The following RALGAPA1 variants were observed in gnomAD, a reference collection of about 807,000 sequenced individuals.
The protein encoded by RALGAPA1 is Ral GTPase activating protein catalytic subunit alpha 1.
A neutral mutation model predicts 269.6 loss-of-function variants in RALGAPA1; 52 were observed. The observed-to-expected ratio is 0.19, with a 90% confidence interval of 0.15 to 0.24. RALGAPA1 has a LOEUF of 0.24. Ranked by LOEUF, RALGAPA1 falls within the 10% of genes least tolerant of loss-of-function variation. RALGAPA1 has a pLI of 1.00. For synonymous variants in RALGAPA1, 817 were observed against 1,008.3 expected (o/e 0.81, Z 3.60); for missense variants, 1,917 against 3,013.9 (o/e 0.64, Z 8.52).
chr14:35,617,639 G>C, intron 35 of RALGAPA1, among the ~76,000 whole-genome samples: 1 of 42,236 alleles, frequency 2.4e-5, no homozygotes, highest in South Asian at 1.6e-3. Context: ...GTGTGGGGTG[G>C]GGGGGGGGGG....
At chr14:35,549,384 T>C (rs943096786) in intron 39 of RALGAPA1, 150 bp from the exon 40 acceptor site, 12 of 759,340 alleles carry the variant, frequency 1.6e-5, no homozygotes, top group Admixed American at 3.5e-5. Context: ...ACAGTATGGC[T>C]TTTTAAAGTG....
chr14:35,609,815 T>C (rs1177586984), intron 35 of RALGAPA1, among the ~76,000 whole-genome samples: 1 of 149,574 alleles, frequency 6.7e-6, no homozygotes, highest in Non-Finnish European at 1.5e-5. Flanking sequence ...CCAGGGCCCC[T>C]ACTTGGGGAG....
intron 4 of RALGAPA1, among the ~76,000 whole-genome samples, chr14:35,762,987 GGCCCGAAATT>G (rs1316014745): frequency 1.3e-5 from 2 of 151,632 alleles, no homozygotes; most frequent in Non-Finnish European, 2.9e-5. Flanking sequence ...ACAAAACCTA[GGCCCGAAATT>G]GCATTTAACA....
At chr14:35,563,434 G>C (rs374930113) in intron 39 of RALGAPA1, among the ~76,000 whole-genome samples, 2 of 152,084 alleles carry the variant, frequency 1.3e-5, no homozygotes, top group South Asian at 2.1e-4. Flanking sequence ...TGCCCTGGGC[G>C]TCAGTGTGGT....
At chr14:35,795,816 A>C (rs1479979349) in intron 1 of RALGAPA1, among the ~76,000 whole-genome samples, 1 of 69,842 alleles carries the variant, frequency 1.4e-5, no homozygotes, top group African/African-American at 1.8e-4. Flanking sequence ...TTCTCTACCA[A>C]AAAAAAAAAA....
At chr14:35,761,139 T>C (rs1267469263) in intron 5 of RALGAPA1, 133 bp from the exon 6 acceptor site, 1 of 581,494 alleles carries the variant, frequency 1.7e-6, no homozygotes, top group East Asian at 2.9e-5. Flanking sequence ...GAAGGGGAAG[T>C]TGAGGAGAAG....
chr14:35,655,893 C>T lies in RALGAPA1; in HGVS notation c.5410G>A (p.Gly1804Ser), dbSNP rs985825011. The T allele has an allele frequency of 1.9e-6, 3 of 1,613,214 alleles. No individual in the cohort carries two copies. Among genetic ancestry groups the T allele is most frequent in the Non-Finnish European group, 1.7e-6 (2 of 1,179,574 alleles). Reference sequence around the variant, plus strand: ...ACTAGTTCTTCACAAATCCAAATACCTAAACTACAAAGTGCTACACATCTG... The same window carrying T: ...ACTAGTTCTTCACAAATCCAAATACTTAAACTACAAAGTGCTACACATCTG... ...PARCVALCSL[G>S]IWICEELVHE... The change falls in exon 29 of 42, where the codon GGT becomes AGT. Residue 1804 changes from glycine (G) to serine (S), a missense_variant. Around this residue, in one of 11 missense-constraint regions of RALGAPA1, gnomAD observed 346 missense variants for 566.1 expected, o/e 0.61. Coordinates refer to ENST00000680220, the MANE Select transcript of RALGAPA1 (RefSeq NM_001346249.2).
intron 16 of RALGAPA1, among the ~76,000 whole-genome samples, chr14:35,713,130 G>A (rs1205666833): frequency 6.6e-6 from 1 of 152,158 alleles, no homozygotes; most frequent in Admixed American, 6.5e-5. Flanking sequence ...TGACAAGAAG[G>A]TAGAAAACGG....
At chr14:35,633,992 G>T (rs1313620072) in intron 33 of RALGAPA1, among the ~76,000 whole-genome samples, 1 of 152,032 alleles carries the variant, frequency 6.6e-6, no homozygotes, top group African/African-American at 2.4e-5. Context: ...AACCTTAGAG[G>T]AAACTAATAT....
At position 35,627,213 on chromosome 14, in the gene RALGAPA1, T is replaced by C; in HGVS notation, c.6734A>G (p.His2245Arg). The change falls in exon 34 of 42, where the codon CAC becomes CGC. Residue 2245 changes from histidine (H) to arginine (R), a missense_variant. Physicochemically the swap from His to Arg is conservative, Grantham distance 29. Transcript: ENST00000680220. Reference sequence around the variant, plus strand: ...AGCTTTCATGTTTAAGTCATTAAAGTGCTTCTCAACAAATTCTTTTTCTTC... The same window carrying C: ...AGCTTTCATGTTTAAGTCATTAAAGCGCTTCTCAACAAATTCTTTTTCTTC... ...HTEEKEFVEK[H>R]FNDLNMKAVE... 2 of 1,601,112 alleles carry C rather than the reference T, an allele frequency of 1.2e-6. No individual in the cohort carries two copies. The highest frequency in any genetic ancestry group is 3.6e-5 in the Admixed American group (2 of 56,166).
At chr14:35,737,078 C>T (rs1192014216) in intron 12 of RALGAPA1, among the ~76,000 whole-genome samples, 1 of 148,444 alleles carries the variant, frequency 6.7e-6, no homozygotes, top group East Asian at 1.9e-4. Context: ...TGAACTCCTA[C>T]AAACCATTAA....
chr14:35,544,469 A>G (rs1296911355), intron 41 of RALGAPA1, among the ~76,000 whole-genome samples: 1 of 152,198 alleles, frequency 6.6e-6, no homozygotes, highest in East Asian at 1.9e-4. Context: ...TTCATAATGT[A>G]TGTACAGTAC....
intron 16 of RALGAPA1, among the ~76,000 whole-genome samples, chr14:35,711,119 T>C (rs2068290321): frequency 6.6e-6 from 1 of 152,252 alleles, no homozygotes; most frequent in Admixed American, 6.5e-5. Context: ...TATGTATCTT[T>C]ATATTTTAAA....
chr14:35,562,080 T>C (rs1218051676), intron 39 of RALGAPA1, among the ~76,000 whole-genome samples: 2 of 152,234 alleles, frequency 1.3e-5, no homozygotes, highest in Non-Finnish European at 2.9e-5. Context: ...ACTTAACAAC[T>C]AATCAATTTG....
intron 30 of RALGAPA1, among the ~76,000 whole-genome samples, chr14:35,653,222 C>G (rs1476727465): frequency 1.3e-5 from 2 of 152,156 alleles, no homozygotes; most frequent in East Asian, 3.8e-4. Context: ...AGGGAATAAT[C>G]TATCTCAAAA....
chr14:35,710,175 G>T (rs974531706), intron 16 of RALGAPA1, among the ~76,000 whole-genome samples: 3 of 152,138 alleles, frequency 2.0e-5, no homozygotes, highest in Admixed American at 2.0e-4. Context: ...TCTCTGGGCA[G>T]GTTTATCTGT....
chr14:35,774,873 T>A (rs112111432), intron 3 of RALGAPA1, 133 bp downstream of exon 3: 56 of 653,970 alleles, frequency 8.6e-5, no homozygotes, highest in African/African-American at 8.3e-4. Context: ...ATTTAAAAAA[T>A]TTAGATTTAG....
intron 17 of RALGAPA1, among the ~76,000 whole-genome samples, chr14:35,690,395 A>C (rs551251187): frequency 6.6e-6 from 1 of 152,320 alleles, no homozygotes; most frequent in South Asian, 2.1e-4. Context: ...AAGCCGATCC[A>C]AGTATCCCAC....
chr14:35,737,965 G>A (rs1046555308), intron 12 of RALGAPA1, among the ~76,000 whole-genome samples: 1 of 150,764 alleles, frequency 6.6e-6, no homozygotes, highest in Non-Finnish European at 1.5e-5. Context: ...GCACGCGCCT[G>A]TAATCCCAGC....
Sources: gnomAD v4.1 joint callset for allele counts (sites outside exome capture counted in the v4.1 genomes callset) on GRCh38, gnomAD v4.1.1 for gene constraint, gnomAD v4.1.1 regional missense constraint, MANE v1.5 for transcripts, NCBI Gene and HGNC (gene_info 2026-07-23, HGNC 2026-07-21) for gene names.